The following RBFOX1 variants were observed in gnomAD, a reference collection of about 807,000 sequenced individuals.
The protein encoded by RBFOX1 is RNA binding protein fox-1 homolog 1.
RBFOX1 carries 8 observed loss-of-function variants against 57.7 expected under a neutral mutation model. The observed-to-expected ratio is 0.14, with a 90% CI of 0.08 to 0.25. The LOEUF is 0.25. Ranked by LOEUF, RBFOX1 falls within the 10% of genes least tolerant of loss-of-function variation. The probability of loss-of-function intolerance (pLI) is 1.00; values close to 1 mark genes in which losing one functional copy is unlikely to be tolerated. For missense variants in RBFOX1, 611 were observed against 548.5 expected, an observed-to-expected ratio of 1.11 and a Z score of -1.14; for synonymous variants, 326 against 222.4, an observed-to-expected ratio of 1.47 and a Z score of -4.15.
intron 3 of RBFOX1, among the ~76,000 whole-genome samples, chr16:6,799,472 A>T (rs779823832): frequency 1.8e-4 from 27 of 152,120 alleles, no homozygotes; most frequent in Non-Finnish European, 2.6e-4. Context: ...CATGATGGTT[A>T]ATATTAGGTG....
chr16:6,103,833 G>C (rs992010323), intron 1 of RBFOX1, among the ~76,000 whole-genome samples: 3 of 152,082 alleles, frequency 2.0e-5, no homozygotes, highest in Non-Finnish European at 4.4e-5. Context: ...GATGAAACAG[G>C]ATTGGTGAGG....
chr16:5,293,847 G>A (rs759963834), intron 1 of RBFOX1, among the ~76,000 whole-genome samples: 5 of 152,138 alleles, frequency 3.3e-5, no homozygotes, highest in Non-Finnish European at 5.9e-5. Context: ...AGACAGGGAT[G>A]ATGATTGCTT....
intron 3 of RBFOX1, among the ~76,000 whole-genome samples, chr16:6,750,565 T>G (rs780104646): frequency 1.3e-5 from 2 of 152,258 alleles, no homozygotes; most frequent in Non-Finnish European, 2.9e-5. Flanking sequence ...GTGACCGAAC[T>G]ATGGTATCTA....
chr16:6,962,469 G>C lies in RBFOX1; in HGVS notation c.-15-89588G>C, dbSNP rs568590988. Among the ~76,000 whole-genome samples, 3 of 152,240 alleles carry C rather than the reference G, an allele frequency of 2.0e-5. No individual in the cohort carries two copies. In the East Asian group the frequency reaches 5.8e-4, roughly 30 times the overall value. ...ATATGACATTTCCCCTGATAAAGCA[G>C]CCTGGTTTAATATAGCCGCAGTGTG... is the stretch of plus-strand genomic sequence containing the variant. On this transcript the variant is annotated intron_variant, in intron 3 of 15. Coordinates refer to ENST00000550418, the MANE Select transcript of RBFOX1 (RefSeq NM_018723.4).
chr16:5,835,212 C>T (rs1214585590), intron 3 of RBFOX1, among the ~76,000 whole-genome samples: 1 of 152,096 alleles, frequency 6.6e-6, no homozygotes, highest in Non-Finnish European at 1.5e-5. Context: ...GAAGTGAGGA[C>T]ATCTGAAGTG....
chr16:6,366,542 C>T (rs956635419), intron 2 of RBFOX1, among the ~76,000 whole-genome samples: 1 of 152,168 alleles, frequency 6.6e-6, no homozygotes, highest in African/African-American at 2.4e-5. Context: ...TGAATTTTCT[C>T]TATATCACCC....
At chr16:5,906,893 C>A (rs539697755) in intron 4 of RBFOX1, among the ~76,000 whole-genome samples, 1 of 151,840 alleles carries the variant, frequency 6.6e-6, no homozygotes, top group East Asian at 1.9e-4. Flanking sequence ...CACCACCATG[C>A]CTGGCTCATT....
chr16:5,926,210 G>A lies in RBFOX1; in HGVS notation c.351+58875G>A, dbSNP rs192940410. On this transcript the variant is annotated intron_variant, in intron 4 of 19. Transcript: ENST00000641259. ...TGATACTATTTAAAATGAGATATGC[G>A]TATAATTACCCATATGACACTTTGG... Among the ~76,000 whole-genome samples the A allele has an allele frequency of 7.0e-4, 106 of 152,298 alleles. 3 individuals are homozygous for A. The South Asian group carries it at 8.1e-3, about 12-fold the overall frequency.
At chr16:7,528,932 G>C (rs1217949446) in intron 5 of RBFOX1, among the ~76,000 whole-genome samples, 1 of 152,144 alleles carries the variant, frequency 6.6e-6, no homozygotes, top group East Asian at 1.9e-4. Context: ...TCTTCTCGTT[G>C]CACATATTTA....
chr16:6,308,538 G>T (rs1192107531), intron 1 of RBFOX1, among the ~76,000 whole-genome samples: 1 of 152,204 alleles, frequency 6.6e-6, no homozygotes, highest in East Asian at 1.9e-4. Flanking sequence ...GCCTGCACTT[G>T]AACATCCTGC....
intron 3 of RBFOX1, among the ~76,000 whole-genome samples, chr16:6,788,124 A>C (rs1167678150): frequency 6.6e-6 from 1 of 152,158 alleles, no homozygotes; most frequent in Non-Finnish European, 1.5e-5. Flanking sequence ...GGGAAGGCTG[A>C]GGCAGGAGAA....
chr16:6,030,541 A>G (rs987114977), intron 1 of RBFOX1, among the ~76,000 whole-genome samples: 6 of 152,202 alleles, frequency 3.9e-5, no homozygotes, highest in African/African-American at 1.4e-4. Flanking sequence ...TCAAAAGAAT[A>G]CCTTTGCAAG....
At chr16:6,991,965 G>C (rs2153612780) in intron 3 of RBFOX1, among the ~76,000 whole-genome samples, 1 of 152,290 alleles carries the variant, frequency 6.6e-6, no homozygotes, top group Middle Eastern at 3.4e-3. Flanking sequence ...CAGATCCTGT[G>C]TTGTTAACAG....
At chr16:6,483,785 A>G (rs1479158275) in intron 2 of RBFOX1, 2 of 1,395,604 alleles carry the variant, frequency 1.4e-6, no homozygotes, top group Non-Finnish European at 9.3e-7. Flanking sequence ...GTTAGCGCAG[A>G]CACGGTGGCG....
intron 2 of RBFOX1, among the ~76,000 whole-genome samples, chr16:6,526,829 C>CAAAAAAAAAAAAAAAAAAAAAAAAA (rs541468859): frequency 1.2e-4 from 4 of 32,896 alleles, no homozygotes; most frequent in African/African-American, 4.3e-4. Context: ...GACTCTGTCT[C>CAAAAAAAAAAAAAAAAAAAAAAAAA]AAAAAAAAAA....
At chr16:7,066,474 G>C (rs4377172) in intron 4 of RBFOX1, among the ~76,000 whole-genome samples, 110,780 of 152,124 alleles carry the variant, frequency 0.73, 40,803 homozygotes, top group East Asian at 0.91. Flanking sequence ...ACTATGACAG[G>C]TGGAAAATGC....
At chr16:6,191,204 A>G (rs781010033) in intron 1 of RBFOX1, among the ~76,000 whole-genome samples, 1 of 145,920 alleles carries the variant, frequency 6.9e-6, no homozygotes, top group Non-Finnish European at 1.5e-5. Flanking sequence ...GAACTTGGCT[A>G]TTGGGCTGGG....
chr16:6,631,363 T>A (rs1190629446), intron 2 of RBFOX1, among the ~76,000 whole-genome samples: 4 of 152,000 alleles, frequency 2.6e-5, no homozygotes, highest in East Asian at 1.9e-4. Context: ...ATAAAGAAGA[T>A]GAAGTAGAAA....
rs148523628 is a variant in RBFOX1 at position 6,101,293 on chromosome 16, C to G, written c.-127+81301C>G. ...AGGCCTCTGGGTCTCCATCCTTTCC[C>G]CACCAAATAATCACATGCAGACAGT... On this transcript the variant is annotated intron_variant, in intron 1 of 15. Transcript: ENST00000550418. 4.7e-3 allele frequency among the ~76,000 whole-genome samples: 714 copies of G among 152,190 alleles called. 5 individuals carry two copies. Among genetic ancestry groups the G allele is most frequent in the Non-Finnish European group, 5.0e-3 (342 of 68,004 alleles).
Sources: gnomAD v4.1 joint callset for allele counts (sites outside exome capture counted in the v4.1 genomes callset) on GRCh38, gnomAD v4.1.1 for gene constraint, MANE v1.5 for transcripts, NCBI Gene and HGNC (gene_info 2026-07-23, HGNC 2026-07-21) for gene names.